Variants in FSTL5 observed in about 807,000 individuals in gnomAD.
FSTL5 encodes the protein follistatin-related protein 5.
FSTL5 carries 62 observed loss-of-function variants against 89.1 expected under a neutral mutation model. The ratio of observed to expected loss-of-function variants is 0.70; its 90% confidence interval spans 0.57 to 0.86. FSTL5 has a LOEUF of 0.86. FSTL5 is among the 40% of genes least tolerant of loss of function. FSTL5 has a pLI of 0.00. For synonymous variants in FSTL5, 383 were observed against 346.2 expected (o/e 1.11, Z -1.18); for missense variants, 1,057 against 1,001.6 (o/e 1.06, Z -0.75).
intron 6 of FSTL5, among the ~76,000 whole-genome samples, chr4:161,746,869 C>G (rs1158180273): frequency 1.3e-5 from 2 of 152,072 alleles, no homozygotes; most frequent in African/African-American, 2.4e-5. Flanking sequence ...CCCCCAGTCC[C>G]CCAAATGCTT....
At chr4:161,408,746 T>G (rs886972745) in intron 15 of FSTL5, among the ~76,000 whole-genome samples, 5 of 152,176 alleles carry the variant, frequency 3.3e-5, no homozygotes, top group African/African-American at 4.8e-5. Flanking sequence ...CTGAGCTTCT[T>G]GAGCTAAAAA....
intron 1 of FSTL5, among the ~76,000 whole-genome samples, chr4:162,162,042 T>A (rs189268085): frequency 2.0e-5 from 3 of 152,220 alleles, no homozygotes; most frequent in African/African-American, 7.2e-5. Context: ...ACATGAATCC[T>A]ACAAAGAATA....
At chr4:161,820,669 T>G (rs746481809) in intron 4 of FSTL5, among the ~76,000 whole-genome samples, 1 of 152,146 alleles carries the variant, frequency 6.6e-6, no homozygotes, top group Non-Finnish European at 1.5e-5. Flanking sequence ...CAATGCTCAT[T>G]TCCTTCACGG....
At chr4:161,618,009 T>C (rs1178953741) in intron 7 of FSTL5, among the ~76,000 whole-genome samples, 1 of 152,188 alleles carries the variant, frequency 6.6e-6, no homozygotes, top group Admixed American at 6.5e-5. Context: ...TGATGAGTGG[T>C]TTGTAGTTCT....
At chr4:161,989,039 C>T (rs1043256887) in intron 3 of FSTL5, among the ~76,000 whole-genome samples, 4 of 152,096 alleles carry the variant, frequency 2.6e-5, no homozygotes, top group Admixed American at 2.6e-4. Flanking sequence ...CTTCATGTCC[C>T]CTATGCCAAG....
intron 6 of FSTL5, among the ~76,000 whole-genome samples, chr4:161,700,247 A>G (rs1738340245): frequency 6.6e-6 from 1 of 152,178 alleles, no homozygotes; most frequent in Non-Finnish European, 1.5e-5. Flanking sequence ...AGAGAGGTAA[A>G]GTATCTTGCC....
At chr4:161,853,796 A>T (rs1731635597) in intron 4 of FSTL5, among the ~76,000 whole-genome samples, 1 of 152,156 alleles carries the variant, frequency 6.6e-6, no homozygotes, top group Non-Finnish European at 1.5e-5. Flanking sequence ...ATTCATTAAA[A>T]ATGGTTTACC....
At chr4:161,428,226 C>A (rs2126332403) in intron 15 of FSTL5, among the ~76,000 whole-genome samples, 1 of 152,268 alleles carries the variant, frequency 6.6e-6, no homozygotes, top group Non-Finnish European at 1.5e-5. Context: ...ACTTGAGTTT[C>A]CACAAATCTC....
intron 10 of FSTL5, among the ~76,000 whole-genome samples, chr4:161,524,803 C>T (rs145002147): frequency 7.2e-4 from 110 of 151,964 alleles, no homozygotes; most frequent in African/African-American, 2.6e-3. Context: ...ACTAAAAATA[C>T]AAAAATTAGC....
chr4:161,566,431 T>G (rs1373354705), intron 8 of FSTL5, among the ~76,000 whole-genome samples: 2 of 151,918 alleles, frequency 1.3e-5, no homozygotes, highest in East Asian at 3.9e-4. Context: ...GCTGCATATA[T>G]CGTTTGAAAA....
At chr4:161,556,729 T>C (rs1453636811) in intron 8 of FSTL5, among the ~76,000 whole-genome samples, 1 of 151,014 alleles carries the variant, frequency 6.6e-6, no homozygotes, top group Non-Finnish European at 1.5e-5. Context: ...AACTAATATA[T>C]GTAAAAAAGC....
chr4:161,750,408 T>C (rs765786146), intron 6 of FSTL5, among the ~76,000 whole-genome samples: 40 of 152,134 alleles, frequency 2.6e-4, no homozygotes, highest in Non-Finnish European at 2.9e-4. Flanking sequence ...GAATGAATAA[T>C]ATACACTTAA....
chr4:161,967,074 T>A (rs1411133334), intron 3 of FSTL5, among the ~76,000 whole-genome samples: 1 of 150,118 alleles, frequency 6.7e-6, no homozygotes, highest in East Asian at 1.9e-4. Flanking sequence ...GGGATTTCTG[T>A]TTCACAAAAA....
At chr4:161,872,444 C>T (rs1732306432) in intron 4 of FSTL5, among the ~76,000 whole-genome samples, 1 of 152,086 alleles carries the variant, frequency 6.6e-6, no homozygotes, top group South Asian at 2.1e-4. Context: ...TTCTAGAGAC[C>T]TTCAAAAATT....
At chr4:161,913,798 T>C (rs1319471636) in intron 4 of FSTL5, among the ~76,000 whole-genome samples, 1 of 152,302 alleles carries the variant, frequency 6.6e-6, no homozygotes, top group East Asian at 1.9e-4. Flanking sequence ...CCCCTTGGTT[T>C]TGGCCAATTT....
chr4:161,498,871 A>G (rs1006523289), intron 12 of FSTL5, among the ~76,000 whole-genome samples: 1 of 152,088 alleles, frequency 6.6e-6, no homozygotes, highest in East Asian at 1.9e-4. Context: ...CAACTTATTC[A>G]AAGACTGACT....
In FSTL5 at chr4:161,575,155, G is replaced by A. The variant is rs1446682114; in HGVS notation, c.1015+12300C>T. On this transcript the variant is annotated intron_variant, in intron 8 of 15. Transcript: ENST00000306100. Reference sequence around the variant, plus strand: ...GCCACATAAATGCCTTCTTTTGTGAGGTGTCTGTTGATATACTTTGCCCAC... The same window carrying A: ...GCCACATAAATGCCTTCTTTTGTGAAGTGTCTGTTGATATACTTTGCCCAC... Among the ~76,000 whole-genome samples the A allele has an allele frequency of 5.9e-5, 9 of 152,014 alleles. No individual in the cohort carries two copies. In the South Asian group the frequency reaches 1.2e-3, roughly 21 times the overall value.
intron 12 of FSTL5, among the ~76,000 whole-genome samples, chr4:161,496,329 A>G (rs1159621819): frequency 6.6e-6 from 1 of 152,132 alleles, no homozygotes; most frequent in African/African-American, 2.4e-5. Flanking sequence ...TGGCTAGCCT[A>G]TGGTGCCCAG....
intron 4 of FSTL5, among the ~76,000 whole-genome samples, chr4:161,908,149 A>G (rs1247497259): frequency 1.2e-4 from 19 of 152,010 alleles, no homozygotes; most frequent in Admixed American, 1.0e-3. Flanking sequence ...AAAAAAACAT[A>G]TATCATTGGC....
Sources: gnomAD v4.1 joint callset for allele counts (sites outside exome capture counted in the v4.1 genomes callset) on GRCh38, gnomAD v4.1.1 for gene constraint, MANE v1.5 for transcripts, NCBI Gene and HGNC (gene_info 2026-07-23, HGNC 2026-07-21) for gene names.